PPP6R1: variants seen among roughly 807,000 people sequenced by gnomAD.
PPP6R1 encodes protein phosphatase 6 regulatory subunit 1.
Under a neutral mutation model 104.6 loss-of-function variants are expected in PPP6R1, and 39 were observed. The observed-to-expected ratio is 0.37, with a 90% CI of 0.29 to 0.49. The LOEUF (loss-of-function observed/expected upper bound fraction) is 0.49. PPP6R1 is among the 20% of genes least tolerant of loss of function. The pLI is 0.98. For synonymous variants in PPP6R1, 549 were observed against 479.0 expected (o/e 1.15, Z -1.91); for missense variants, 1,181 against 1,155.8 (o/e 1.02, Z -0.32).
intron 1 of PPP6R1, among the ~76,000 whole-genome samples, chr19:55,251,220 C>A (rs896686503): frequency 3.9e-5 from 6 of 152,228 alleles, no homozygotes; most frequent in African/African-American, 1.4e-4. Context: ...CAATGAAGCA[C>A]TGGAGGTACA....
intron 10 of PPP6R1, 59 bp downstream of exon 10, chr19:55,240,886 G>A: frequency 6.4e-7 from 1 of 1,571,270 alleles, no homozygotes; most frequent in East Asian, 2.3e-5. Flanking sequence ...GGCCTCTGGA[G>A]AGGGTGCGCC....
chr19:55,236,503 T>C, intron 17 of PPP6R1, 140 bp downstream of exon 17: 1 of 928,698 alleles, frequency 1.1e-6, no homozygotes, highest in South Asian at 2.1e-5. Flanking sequence ...AAAGTGAAAG[T>C]GCCCCCAACT....
intron 10 of PPP6R1, 38 bp downstream of exon 10, chr19:55,240,907 G>A (rs2087449480): frequency 6.3e-7 from 1 of 1,594,904 alleles, no homozygotes; most frequent in South Asian, 1.1e-5. Flanking sequence ...CACAGGGGAT[G>A]GGCCCAGAAG....
rs1245421962 is a variant in PPP6R1, at chr19:55,230,068, G to C, written c.*460C>G. The C allele has an allele frequency of 1.2e-5, 2 of 160,004 alleles. No individual in the cohort carries two copies. Among genetic ancestry groups the C allele is most frequent in the African/African-American group, 4.8e-5 (2 of 41,572 alleles). The allele number at this position is 160,004 out of a possible 1,614,324, so 9.9% of individuals were successfully genotyped here. On this transcript the variant is annotated 3_prime_UTR_variant, in exon 24 of 24. Coordinates refer to ENST00000412770, the MANE Select transcript of PPP6R1 (RefSeq NM_014931.4). Reference sequence around the variant, plus strand: ...GGGCCGTCCCCCATGGTGGACCTGAGCTAAAAGGCCGGGTGTGGGCGTGGC... The same window carrying C: ...GGGCCGTCCCCCATGGTGGACCTGACCTAAAAGGCCGGGTGTGGGCGTGGC...
rs1453228158 is a variant in PPP6R1 at position 55,247,078 on chromosome 19, G to C, written c.26C>G (p.Thr9Arg). The C allele has an allele frequency of 2.5e-6, 4 of 1,613,542 alleles. No individual in the cohort carries two copies. The South Asian group carries it at 4.4e-5, about 18-fold the overall frequency. MFWKFDLH[T>R]SSHLDTLLER... is the part of the protein sequence containing the mutation. Reference sequence around the variant, plus strand: ...CAGCAGCGTGTCCAGGTGCGAGCTTGTGTGCAGGTCAAACTTCCAAAACAT... The same window carrying C: ...CAGCAGCGTGTCCAGGTGCGAGCTTCTGTGCAGGTCAAACTTCCAAAACAT... Residue 9 changes from threonine to arginine, a missense_variant, in exon 2 of 24, where the codon ACA (threonine) becomes AGA (arginine). By Grantham distance (71) the Thr-to-Arg change is moderately conservative. Transcript: ENST00000412770.
downstream of PPP6R1, chr19:55,228,457 A>T (rs1210753317): frequency 6.2e-7 from 1 of 1,608,152 alleles, no homozygotes; most frequent in Admixed American, 1.7e-5. Flanking sequence ...GTGGGGAGCT[A>T]CTGAGCCGAA....
chr19:55,230,646 G>A lies in PPP6R1; in HGVS notation c.2609C>T (p.Ser870Phe), dbSNP rs1264010265. The change falls in exon 23 of 24, where the codon TCT becomes TTT. Residue 870 changes from serine (S) to phenylalanine (F), a missense_variant. Physicochemically the swap from Ser to Phe is radical, Grantham distance 155. This residue lies in a region of PPP6R1 where 1,042 missense variants were observed against 955.6 expected (regional missense o/e 1.09). Coordinates refer to ENST00000412770, the MANE Select transcript of PPP6R1 (RefSeq NM_014931.4). Reference sequence around the variant, plus strand: ...TGGGGATGCAGGCCCTTCCGGGGCAGAGCCATTGGGTATCGGAGGAGGCGT... The same window carrying A: ...TGGGGATGCAGGCCCTTCCGGGGCAAAGCCATTGGGTATCGGAGGAGGCGT... ...ALTPPPIPNG[S>F]APEGPASPGS... 16 of 1,609,868 alleles carry A rather than the reference G, an allele frequency of 9.9e-6. No homozygotes were observed. The highest frequency in any genetic ancestry group is 1.3e-5 in the African/African-American group (1 of 74,866).
Position 55,239,544 on chromosome 19 carries a change from G to A in PPP6R1, c.1654-42C>T, listed in dbSNP as rs1298815349. ...GTTAGGGCTGGAGGGAGTTGGGCAG[G>A]ACCCCACTCCAGCATAGCCCAGCAC... On this transcript the variant is annotated intron_variant, in intron 14 of 23. Transcript: ENST00000412770. 3 of 1,609,206 alleles carry A rather than the reference G, an allele frequency of 1.9e-6. No homozygotes were observed. In the South Asian group the frequency reaches 3.3e-5, roughly 18 times the overall value.
chr19:55,240,809 A>G (rs1209693960), intron 10 of PPP6R1, 136 bp downstream of exon 10: 3 of 1,272,368 alleles, frequency 2.4e-6, no homozygotes, highest in African/African-American at 3.0e-5. Flanking sequence ...TGCCTCCCAC[A>G]CCCCATCTGG....
Position 55,233,945 on chromosome 19 carries a change from C to T in PPP6R1, c.1989-1734G>A, listed in dbSNP as rs1387555340. Reference sequence around the variant, plus strand: ...AACAAGGTTGGAAAACTAAAACCTCCCATTTTCTTTTTTCTGTGAGATGGA... The same window carrying T: ...AACAAGGTTGGAAAACTAAAACCTCTCATTTTCTTTTTTCTGTGAGATGGA... On this transcript the variant is annotated intron_variant, in intron 17 of 23. Coordinates refer to ENST00000412770, the MANE Select transcript of PPP6R1 (RefSeq NM_014931.4). Among the ~76,000 whole-genome samples, 5 of 152,092 alleles carry T rather than the reference C, an allele frequency of 3.3e-5. No individual in the cohort carries two copies. In the South Asian group the frequency reaches 8.3e-4, roughly 25 times the overall value.
chr19:55,229,153 T>A (rs148786407), downstream of PPP6R1: 78 of 194,662 alleles, frequency 4.0e-4, no homozygotes, highest in East Asian at 9.0e-3. Flanking sequence ...TGTCCTTCAC[T>A]TGCTGCCCTA....
intron 17 of PPP6R1, among the ~76,000 whole-genome samples, chr19:55,235,506 T>C (rs2087388679): frequency 1.3e-5 from 2 of 152,018 alleles, no homozygotes; most frequent in South Asian, 4.1e-4. Context: ...CTTAACTCAT[T>C]TGAATTAGAT....
chr19:55,245,624 A>G lies in PPP6R1; in HGVS notation c.282T>C (p.Asp94=), dbSNP rs61737174. ...GAAGGGACTCATCAGCACCCAGGGC[A>G]TCATTGATCTGGGGCACATCTGAGG... ...ILTSDVPQIN[D]ALGADESLLN... The change falls in exon 3 of 24, where the codon GAT becomes GAC. Residue 94 remains aspartate, a synonymous_variant. Coordinates refer to ENST00000412770, the MANE Select transcript of PPP6R1 (RefSeq NM_014931.4). This position sits in a 1 kb window ranked among gnomAD's most constrained non-coding sequence, Gnocchi z 6.4. 18,752 of 1,611,398 alleles carry G rather than the reference A, an allele frequency of 0.012. 440 individuals are homozygous for G. Among genetic ancestry groups the G allele is most frequent in the African/African-American group, 0.093 (6,944 of 74,894 alleles).
At chr19:55,250,073 G>A (rs2087541525) in intron 1 of PPP6R1, among the ~76,000 whole-genome samples, 1 of 152,196 alleles carries the variant, frequency 6.6e-6, no homozygotes, top group Admixed American at 6.5e-5. Flanking sequence ...GTGGCTGCCT[G>A]AGGCACAGTG....
intron 1 of PPP6R1, among the ~76,000 whole-genome samples, chr19:55,255,271 C>A (rs960389996): frequency 2.6e-5 from 4 of 152,178 alleles, no homozygotes; most frequent in African/African-American, 7.2e-5. Flanking sequence ...ACATTCAAAT[C>A]GTCTCCTGAA....
intron 1 of PPP6R1, among the ~76,000 whole-genome samples, chr19:55,248,748 C>A (rs897394522): frequency 9.2e-5 from 14 of 152,218 alleles, no homozygotes; most frequent in African/African-American, 2.9e-4. Context: ...AGCACCAGGC[C>A]CAGGGAAGAG....
At chr19:55,246,004 G>A (rs758695273) in intron 2 of PPP6R1, among the ~76,000 whole-genome samples, 11 of 152,032 alleles carry the variant, frequency 7.2e-5, no homozygotes, top group Non-Finnish European at 1.0e-4. Flanking sequence ...TTGCAACCCC[G>A]TATGCTGCCC....
chr19:55,250,669 G>C (rs939015780), intron 1 of PPP6R1, among the ~76,000 whole-genome samples: 2 of 152,100 alleles, frequency 1.3e-5, no homozygotes, highest in African/African-American at 4.8e-5. Context: ...GCCCAGCTGT[G>C]ACAGCACAGT....
chr19:55,232,367 G>A (rs2087357320), intron 17 of PPP6R1, 156 bp from the exon 18 acceptor site: 2 of 1,111,550 alleles, frequency 1.8e-6, no homozygotes, highest in Admixed American at 3.1e-5. Flanking sequence ...ACGACACCAG[G>A]AGAGGCTGGG....
Sources: gnomAD v4.1 joint callset for allele counts (sites outside exome capture counted in the v4.1 genomes callset) on GRCh38, gnomAD v4.1.1 for gene constraint, gnomAD v4.1.1 regional missense constraint, Gnocchi (gnomAD v3.1) non-coding constraint, MANE v1.5 for transcripts, NCBI Gene and HGNC (gene_info 2026-07-23, HGNC 2026-07-21) for gene names.